ZBTB37: variants seen among roughly 807,000 people sequenced by gnomAD.
ZBTB37 encodes zinc finger and BTB domain containing 37.
A neutral mutation model predicts 37.7 loss-of-function variants in ZBTB37; 15 were observed. That is an observed-to-expected ratio of 0.40 (90% CI 0.27 to 0.61). ZBTB37 has a LOEUF of 0.61. ZBTB37 is among the 20% of genes least tolerant of loss of function. The probability of loss-of-function intolerance (pLI) is 0.44; values close to 1 mark genes in which losing one functional copy is unlikely to be tolerated. For missense variants in ZBTB37, 514 were observed against 641.9 expected (o/e 0.80, Z 2.15); for synonymous variants, 231 against 220.6 (o/e 1.05, Z -0.42).
exon 4 of ZBTB37, chr1:173,901,399 C>CTTTTT (rs3053950): frequency 3.3e-5 from 4 of 121,738 alleles, no homozygotes; most frequent in African/African-American, 1.0e-4. Context: ...AAAGTTAGAA[C>CTTTTT]TTTTTTTTTT....
rs1323465119 is a variant in ZBTB37, at chr1:173,873,510, A to G, written c.967A>G (p.Arg323Gly). The G allele has an allele frequency of 2.5e-6, 4 of 1,613,814 alleles. No homozygotes were observed. In the African/African-American group the frequency reaches 4.0e-5, roughly 16 times the overall value. Residue 323 changes from arginine to glycine, a missense_variant, in exon 4 of 5, where the codon AGA becomes GGA. By Grantham distance (125) the Arg-to-Gly change is moderately radical. Coordinates refer to ENST00000427304, the Ensembl canonical transcript of ZBTB37. ...TGTTGTTCCCTTGACAGAGAGACACAGAGCCAGAAGTGAGTCTCCTGGGAG... is the reference window on the plus strand; with the variant it reads ...TGTTGTTCCCTTGACAGAGAGACACGGAGCCAGAAGTGAGTCTCCTGGGAG...
chr1:173,882,959 A>G (rs1311341179), intron 4 of ZBTB37, among the ~76,000 whole-genome samples: 1 of 152,222 alleles, frequency 6.6e-6, no homozygotes, highest in Non-Finnish European at 1.5e-5. Flanking sequence ...AACTCATTCA[A>G]TGCTCAAAGC....
downstream of ZBTB37, chr1:173,886,959 T>A (rs1656650388): frequency 6.6e-6 from 1 of 152,222 alleles, no homozygotes; most frequent in Non-Finnish European, 1.5e-5. Flanking sequence ...TAAACCATAG[T>A]GCTACACATC....
intron 3 of ZBTB37, among the ~76,000 whole-genome samples, chr1:173,871,840 T>G (rs1031609095): frequency 2.6e-5 from 4 of 152,174 alleles, no homozygotes; most frequent in African/African-American, 9.7e-5. Context: ...ACATTTCTTT[T>G]TGGTGGAAAT....
At chr1:173,873,317 T>C in intron 3 of ZBTB37, 150 bp from the exon 4 acceptor site, 1 of 685,262 alleles carries the variant, frequency 1.5e-6, no homozygotes, top group Non-Finnish European at 2.3e-6. Context: ...TCAGATTATG[T>C]ATTAACTCCA....
In ZBTB37 at chr1:173,868,407, T is replaced by C. The variant is rs1655156701; in HGVS notation, c.-226+2T>C. 1 of 152,982 alleles carries C rather than the reference T, an allele frequency of 6.5e-6. No homozygotes were observed. The highest frequency in any genetic ancestry group is 2.4e-5 in the African/African-American group (1 of 41,392). The allele number at this position is 152,982 out of a possible 1,614,324, so 9.5% of individuals were successfully genotyped here. A position where few individuals can be genotyped will look rare whatever the true frequency, so the allele number is the denominator to read the frequency against. On this transcript the variant is annotated splice_donor_variant, in intron 1 of 4. Transcript: ENST00000427304. LOFTEE classifies it low-confidence loss of function (5UTR_SPLICE). The stretch of plus-strand genomic sequence containing the variant: ...TCCGGCCCATTTCCACCCCCGGAGG[T>C]AGGTGCTGCTCCTTGACTGGACTCG...
chr1:173,870,878 G>C, exon 3 of ZBTB37: 1 of 1,614,198 alleles, frequency 6.2e-7, no homozygotes, highest in South Asian at 1.1e-5. Context: ...AACCGAGCAG[G>C]ACAGTGGTAT....
chr1:173,874,558 A>G (rs933516819), intron 4 of ZBTB37, among the ~76,000 whole-genome samples: 17 of 152,050 alleles, frequency 1.1e-4, no homozygotes, highest in Admixed American at 4.6e-4. Flanking sequence ...TCACCGTGTT[A>G]GCCAGGGTGG....
intron 4 of ZBTB37, among the ~76,000 whole-genome samples, chr1:173,880,598 A>G (rs563669738): frequency 2.5e-4 from 38 of 152,368 alleles, no homozygotes; most frequent in Non-Finnish European, 4.7e-4. Flanking sequence ...TGTGCTTACA[A>G]CAGAGTTTAC....
chr1:173,889,023 AT>A (rs1382073293), downstream of ZBTB37: 1 of 152,200 alleles, frequency 6.6e-6, no homozygotes, highest in Non-Finnish European at 1.5e-5. Flanking sequence ...CTTCCTGGTC[AT>A]CTAGGACCAC....
At chr1:173,888,648 T>G (rs1298517170), downstream of ZBTB37, 1 of 152,054 alleles carries the variant, frequency 6.6e-6, no homozygotes, top group African/African-American at 2.4e-5. Context: ...TAGGTTGGTC[T>G]TGAACTCCTG....
intron 4 of ZBTB37, among the ~76,000 whole-genome samples, chr1:173,884,596 A>C (rs1163330802): frequency 6.6e-6 from 1 of 152,242 alleles, no homozygotes; most frequent in East Asian, 1.9e-4. Context: ...GAGTGAAAAT[A>C]ATATGTTCAT....
At chr1:173,886,365 T>G (rs1656622800) in exon 5 of ZBTB37, 1 of 575,662 alleles carries the variant, frequency 1.7e-6, no homozygotes, top group Non-Finnish European at 2.9e-6. Flanking sequence ...AATTCAGGGA[T>G]CAACAGCCTT....
chr1:173,871,214 CTG>C, intron 3 of ZBTB37, 66 bp downstream of exon 3: 9 of 1,420,098 alleles, frequency 6.3e-6, no homozygotes, highest in Non-Finnish European at 8.4e-6. Flanking sequence ...AAAGTGTCCT[CTG>C]TAGTACAGAG....
chr1:173,890,909 A>G (rs1656816344), downstream of ZBTB37: 1 of 152,244 alleles, frequency 6.6e-6, no homozygotes, highest in Non-Finnish European at 1.5e-5. Context: ...TGCCAACTCC[A>G]AGAAAGAATT....
At chr1:173,877,472 C>A (rs912761902) in intron 4 of ZBTB37, among the ~76,000 whole-genome samples, 1 of 151,154 alleles carries the variant, frequency 6.6e-6, no homozygotes, top group Admixed American at 6.6e-5. Flanking sequence ...GCCTTGCCTT[C>A]CCTGGCTCAA....
exon 3 of ZBTB37, chr1:173,871,074 T>G: frequency 3.1e-6 from 5 of 1,614,166 alleles, no homozygotes; most frequent in Non-Finnish European, 4.2e-6. Flanking sequence ...GCCATGGTTC[T>G]GTAGGACAGG....
At chr1:173,873,467 A>G in exon 4 of ZBTB37, 1 of 1,605,284 alleles carries the variant, frequency 6.2e-7, no homozygotes. Flanking sequence ...CTTCCAACAG[A>G]TTTAGCCCCT....
intron 4 of ZBTB37, among the ~76,000 whole-genome samples, chr1:173,875,122 G>A (rs955630735): frequency 9.0e-5 from 4 of 44,340 alleles, no homozygotes; most frequent in African/African-American, 5.8e-4. Context: ...TATTATGTGT[G>A]TGTGTGTGTG....
Sources: allele counts gnomAD v4.1 joint callset (sites outside exome capture counted in the v4.1 genomes callset), GRCh38; gene constraint gnomAD v4.1.1; transcripts MANE v1.5; gene names NCBI Gene and HGNC (gene_info 2026-07-23, HGNC 2026-07-21).